Variants in FGF14 observed in about 807,000 individuals in gnomAD.
FGF14 encodes the protein fibroblast growth factor homologous factor 4.
In FGF14, 5 loss-of-function variants were observed where a neutral mutation model predicts 25.5. The ratio of observed to expected loss-of-function variants is 0.20; its 90% CI spans 0.10 to 0.41. The LOEUF is 0.41. FGF14 is among the 10% of genes least tolerant of loss of function. The pLI, the probability that FGF14 is intolerant of heterozygous loss-of-function variation, is 1.00. For missense variants in FGF14, 222 were observed against 320.1 expected (o/e 0.69, Z 2.34); for synonymous variants, 138 against 118.3 (o/e 1.17, Z -1.08).
intron 3 of FGF14, among the ~76,000 whole-genome samples, chr13:101,823,228 T>G (rs1328849470): frequency 6.6e-6 from 1 of 152,022 alleles, no homozygotes; most frequent in Non-Finnish European, 1.5e-5. Flanking sequence ...GTCTAGGAGT[T>G]GAATTGCTGG....
In FGF14 at chr13:101,712,922, A is replaced by T. The variant is rs2034541006; in HGVS notation, c.*9909T>A. On this transcript the variant is annotated 3_prime_UTR_variant, in exon 5 of 5. Transcript: ENST00000376143. ...AGCAGCAGCTCACTGGGTCCTGAGA[A>T]ACCACAGGGCTGTCAGTCAATTATT... 1 of 152,218 alleles carries T rather than the reference A, an allele frequency of 6.6e-6. No homozygotes were observed. The highest frequency in any genetic ancestry group is 1.5e-5 in the Non-Finnish European group (1 of 68,052). The allele number at this position is 152,218 out of a possible 1,614,324, so 9.4% of individuals were successfully genotyped here.
intron 1 of FGF14, among the ~76,000 whole-genome samples, chr13:101,905,046 A>G (rs2032063276): frequency 6.6e-6 from 1 of 152,220 alleles, no homozygotes; most frequent in African/African-American, 2.4e-5. Context: ...CTAAGAGATG[A>G]TGGAACAGAC....
rs16960105 is a variant in FGF14, at chr13:102,362,652, G to T, written c.208+38819C>A. ...ATAGCACTTTGTTGACTTAGCACTT[G>T]TATGTTCAATAAATCTGTGTCTCTC... On this transcript the variant is annotated intron_variant, in intron 1 of 4. Transcript: ENST00000376131. Among the ~76,000 whole-genome samples, 1,411 of 152,208 alleles carry T rather than the reference G, an allele frequency of 9.3e-3. 22 individuals are homozygous for T. Among genetic ancestry groups the T allele is most frequent in the African/African-American group, 0.032 (1,342 of 41,528 alleles).
chr13:101,932,640 A>G (rs184113153), intron 1 of FGF14, among the ~76,000 whole-genome samples: 5 of 152,058 alleles, frequency 3.3e-5, no homozygotes, highest in Admixed American at 3.3e-4. Context: ...TTGAGCCACA[A>G]GTAACTACTG....
chr13:102,066,280 T>A (rs1159726767), intron 1 of FGF14, among the ~76,000 whole-genome samples: 2 of 152,180 alleles, frequency 1.3e-5, no homozygotes, highest in African/African-American at 4.8e-5. Flanking sequence ...TGCCTTACTA[T>A]GTAAGTGAAG....
intron 1 of FGF14, among the ~76,000 whole-genome samples, chr13:102,166,353 ATAT>A (rs2048011508): frequency 6.6e-6 from 1 of 152,062 alleles, no homozygotes; most frequent in African/African-American, 2.4e-5. Context: ...TTTACAATTT[ATAT>A]TATAACCCCA....
intron 1 of FGF14, among the ~76,000 whole-genome samples, chr13:102,339,790 G>C (rs2056896034): frequency 1.3e-5 from 2 of 152,158 alleles, no homozygotes; most frequent in Non-Finnish European, 2.9e-5. Flanking sequence ...GGAAATCCAA[G>C]AGATAGAAGG....
intron 1 of FGF14, among the ~76,000 whole-genome samples, chr13:102,215,176 T>A (rs559693012): frequency 1.3e-5 from 2 of 152,324 alleles, no homozygotes; most frequent in South Asian, 4.1e-4. Flanking sequence ...ACTGACAGGT[T>A]AATTGCTCCC....
chr13:101,717,287 T>C lies in FGF14; in HGVS notation c.*5544A>G, dbSNP rs541696994. On this transcript the variant is annotated 3_prime_UTR_variant, in exon 5 of 5. Transcript: ENST00000376143. The stretch of plus-strand genomic sequence containing the variant: ...TTTTATAGTACTAACAATGTTCTCA[T>C]AATGTAATAGATTTATAAAAATTGT... 3.5e-4 allele frequency: 54 copies of C among 152,296 alleles called. No individual in the cohort carries two copies. Among genetic ancestry groups the C allele is most frequent in the Admixed American group, 3.1e-3 (47 of 15,284 alleles). 9.4% of individuals were successfully genotyped at this position (152,296 alleles called of 1,614,324 possible). A position where few individuals can be genotyped will look rare whatever the true frequency, so the allele number is the denominator to read the frequency against.
chr13:102,137,292 A>C (rs903028566), intron 1 of FGF14, among the ~76,000 whole-genome samples: 2 of 152,260 alleles, frequency 1.3e-5, no homozygotes, highest in Non-Finnish European at 2.9e-5. Flanking sequence ...TTTATGACTA[A>C]ATAGTGTTTA....
At chr13:102,397,676 A>T (rs1376099558) in intron 1 of FGF14, among the ~76,000 whole-genome samples, 1 of 152,120 alleles carries the variant, frequency 6.6e-6, no homozygotes, top group Non-Finnish European at 1.5e-5. Flanking sequence ...GCCTGAAGAG[A>T]CAGCAATGAC....
intron 1 of FGF14, among the ~76,000 whole-genome samples, chr13:102,065,224 T>C (rs2042853313): frequency 6.6e-6 from 1 of 152,120 alleles, no homozygotes; most frequent in Non-Finnish European, 1.5e-5. Context: ...GATATAGTGC[T>C]TTCTTCCAGG....
At chr13:102,349,015 A>G (rs577047532) in intron 1 of FGF14, among the ~76,000 whole-genome samples, 109 of 152,200 alleles carry the variant, frequency 7.2e-4, no homozygotes, top group Non-Finnish European at 1.3e-3. Flanking sequence ...CCTCGAGAAC[A>G]TATCACAAAG....
Position 101,916,746 on chromosome 13 carries a change from G to A in FGF14, c.-101C>T. 3 of 1,023,524 alleles carry A rather than the reference G, an allele frequency of 2.9e-6. No homozygotes were observed. Among genetic ancestry groups the A allele is most frequent in the Non-Finnish European group, 4.1e-6 (3 of 726,198 alleles). The allele number at this position is 1,023,524 out of a possible 1,614,324, so 63.4% of individuals were successfully genotyped here. A position where few individuals can be genotyped will look rare whatever the true frequency, so the allele number is the denominator to read the frequency against. On this transcript the variant is annotated 5_prime_UTR_variant, in exon 1 of 5. Transcript: ENST00000376143. ...CGGCGCAGACCGTGGCTCGCCCTCG[G>A]GGCAGAGGAGGGGGTGCCAGGCGGG...
At chr13:102,263,359 T>C (rs1387399999) in intron 1 of FGF14, among the ~76,000 whole-genome samples, 2 of 152,192 alleles carry the variant, frequency 1.3e-5, no homozygotes, top group East Asian at 1.9e-4. Context: ...TGAAAAATTA[T>C]GTAGTATCAT....
chr13:101,980,522 G>A (rs12857515), intron 1 of FGF14, among the ~76,000 whole-genome samples: 46,818 of 152,008 alleles, frequency 0.31, 7,838 homozygotes, highest in East Asian at 0.7. Context: ...TTAGAGAGAA[G>A]TTGGTTAGGA....
At chr13:102,047,932 G>T (rs918888747) in intron 1 of FGF14, among the ~76,000 whole-genome samples, 1 of 151,704 alleles carries the variant, frequency 6.6e-6, no homozygotes, top group Admixed American at 6.6e-5. Context: ...ATTTTTATGA[G>T]AAAAGAGTAT....
intron 3 of FGF14, among the ~76,000 whole-genome samples, chr13:101,837,413 A>T (rs79233750): frequency 0.083 from 12,557 of 152,142 alleles, 765 homozygotes; most frequent in African/African-American, 0.17. Context: ...GACTCTTGAA[A>T]AGATAAGGTT....
chr13:101,926,044 A>C (rs1048003296), intron 1 of FGF14, among the ~76,000 whole-genome samples: 1 of 152,054 alleles, frequency 6.6e-6, no homozygotes, highest in Non-Finnish European at 1.5e-5. Context: ...CACTGGGCCC[A>C]CCCAATAATC....
Sources: allele counts gnomAD v4.1 joint callset (sites outside exome capture counted in the v4.1 genomes callset), GRCh38; gene constraint gnomAD v4.1.1; transcripts MANE v1.5; gene names NCBI Gene and HGNC (gene_info 2026-07-23, HGNC 2026-07-21).